LHFPL3: variants seen among roughly 807,000 people sequenced by gnomAD.
LHFPL3 encodes LHFPL tetraspan subfamily member 3.
A neutral mutation model predicts 19.3 loss-of-function variants in LHFPL3; 5 were observed. That is an observed-to-expected ratio of 0.26 (90% CI 0.14 to 0.54). The LOEUF (loss-of-function observed/expected upper bound fraction) is 0.54, where lower values mean the gene tolerates loss of function less well. Ranked by LOEUF, LHFPL3 falls within the 20% of genes least tolerant of loss-of-function variation. The pLI, the probability that LHFPL3 is intolerant of heterozygous loss-of-function variation, is 0.94. For missense variants in LHFPL3, 249 were observed against 307.4 expected (o/e 0.81, Z 1.42); for synonymous variants, 133 against 126.2 (o/e 1.05, Z -0.36).
intron 1 of LHFPL3, among the ~76,000 whole-genome samples, chr7:104,466,898 C>A (rs1562906354): frequency 6.6e-6 from 1 of 152,184 alleles, no homozygotes; most frequent in Non-Finnish European, 1.5e-5. Flanking sequence ...AATCATATTT[C>A]TGACATGTTC....
intron 1 of LHFPL3, among the ~76,000 whole-genome samples, chr7:104,541,952 T>C (rs974438648): frequency 6.6e-6 from 1 of 151,814 alleles, no homozygotes; most frequent in Non-Finnish European, 1.5e-5. Flanking sequence ...ATAAAGCAGA[T>C]GTGGAAAGAT....
At chr7:104,409,067 G>A (rs1388888137) in intron 1 of LHFPL3, among the ~76,000 whole-genome samples, 2 of 148,946 alleles carry the variant, frequency 1.3e-5, no homozygotes, top group South Asian at 2.2e-4. Flanking sequence ...TAGTAGAGAC[G>A]GGGTTTCACC....
chr7:104,393,889 T>C (rs577152181), intron 1 of LHFPL3, among the ~76,000 whole-genome samples: 1 of 152,266 alleles, frequency 6.6e-6, no homozygotes, highest in East Asian at 1.9e-4. Flanking sequence ...ATGAAATTTG[T>C]ACAAAATGGA....
Position 104,490,595 on chromosome 7 carries a change from C to G in LHFPL3, c.445+161371C>G, listed in dbSNP as rs186632306. On this transcript the variant is annotated intron_variant, in intron 1 of 2. Transcript: ENST00000424859. ...AAACAAAACAAAAACAACTCTAGTT[C>G]TCCACTCTCCATTGGGTATACAGAG... 3.6e-3 allele frequency among the ~76,000 whole-genome samples: 553 copies of G among 152,218 alleles called. 2 individuals are homozygous for G. Among genetic ancestry groups the G allele is most frequent in the South Asian group, 0.017 (81 of 4,820 alleles).
intron 2 of LHFPL3, among the ~76,000 whole-genome samples, chr7:104,844,247 C>A (rs1032273430): frequency 5.9e-5 from 9 of 152,338 alleles, no homozygotes. Flanking sequence ...TGCACTGGCA[C>A]CTTTCAGCAG....
chr7:104,591,267 A>G (rs564928880), intron 1 of LHFPL3, among the ~76,000 whole-genome samples: 1 of 152,206 alleles, frequency 6.6e-6, no homozygotes, highest in South Asian at 2.1e-4. Context: ...GTTCCTTTCC[A>G]TGTTTAGTGC....
intron 2 of LHFPL3, among the ~76,000 whole-genome samples, chr7:104,869,427 A>G (rs1378010250): frequency 3.3e-5 from 5 of 152,214 alleles, no homozygotes; most frequent in African/African-American, 9.6e-5. Context: ...AAAAGTGGAC[A>G]AAGGATATGA....
At chr7:104,753,234 G>C (rs1392633811) in intron 2 of LHFPL3, among the ~76,000 whole-genome samples, 1 of 152,148 alleles carries the variant, frequency 6.6e-6, no homozygotes, top group Non-Finnish European at 1.5e-5. Context: ...AACCTTGAAT[G>C]CATAAACAGG....
In LHFPL3 at chr7:104,906,216, G is replaced by T; in HGVS notation, c.*1G>T. 6.2e-7 allele frequency: 1 copy of T among 1,608,704 alleles called. No individual in the cohort carries two copies. Among genetic ancestry groups the T allele is most frequent in the Non-Finnish European group, 8.5e-7 (1 of 1,177,452 alleles). ...GCTAAGCCAATATTCTCTAGAATGAGCACAAAACAAATCGAATAACAGCTA... is the reference window on the plus strand; with the variant it reads ...GCTAAGCCAATATTCTCTAGAATGATCACAAAACAAATCGAATAACAGCTA... On this transcript the variant is annotated 3_prime_UTR_variant, in exon 3 of 3. Coordinates refer to ENST00000424859, the MANE Select transcript of LHFPL3 (RefSeq NM_199000.3).
rs1792376077 is a variant in LHFPL3 at position 104,448,681 on chromosome 7, G to C, written c.445+119457G>C. On this transcript the variant is annotated intron_variant, in intron 1 of 2. Coordinates refer to ENST00000424859, the MANE Select transcript of LHFPL3 (RefSeq NM_199000.3). ...AAAATCACTTAGTGTGATTGTTTTT[G>C]TAGATATTTCTATTATGAATAGTCT... 3.3e-5 allele frequency among the ~76,000 whole-genome samples: 5 copies of C among 152,166 alleles called. No homozygotes were observed. In the South Asian group the frequency reaches 1.0e-3, roughly 32 times the overall value.
intron 2 of LHFPL3, among the ~76,000 whole-genome samples, chr7:104,846,766 C>T (rs565184718): frequency 7.2e-4 from 110 of 152,324 alleles, no homozygotes; most frequent in Non-Finnish European, 1.2e-3. Flanking sequence ...AGGTCCCTGT[C>T]CTGGCTCTGC....
chr7:104,711,070 A>G (rs1052969490), intron 1 of LHFPL3, among the ~76,000 whole-genome samples: 6 of 152,240 alleles, frequency 3.9e-5, no homozygotes, highest in African/African-American at 1.4e-4. Context: ...ATCAATACCT[A>G]GAGATAAAGG....
At chr7:104,446,843 G>A (rs1229694085) in intron 1 of LHFPL3, among the ~76,000 whole-genome samples, 4 of 152,160 alleles carry the variant, frequency 2.6e-5, no homozygotes, top group South Asian at 4.2e-4. Context: ...CACAACACCC[G>A]GCCGATTCTA....
At chr7:104,400,370 T>A (rs1203403258) in intron 1 of LHFPL3, among the ~76,000 whole-genome samples, 1 of 152,136 alleles carries the variant, frequency 6.6e-6, no homozygotes, top group Non-Finnish European at 1.5e-5. Context: ...GTAGACTTTG[T>A]CAAGCATTTA....
chr7:104,366,014 C>G (rs1790489841), intron 1 of LHFPL3, among the ~76,000 whole-genome samples: 2 of 152,084 alleles, frequency 1.3e-5, no homozygotes, highest in South Asian at 4.2e-4. Flanking sequence ...ACACCAGGAC[C>G]AGGGATGAGG....
Position 104,548,364 on chromosome 7 carries a change from C to T in LHFPL3, c.446-188311C>T, listed in dbSNP as rs181596377. 1.8e-3 allele frequency among the ~76,000 whole-genome samples: 272 copies of T among 152,088 alleles called. 2 individuals are homozygous for T. Among genetic ancestry groups the T allele is most frequent in the South Asian group, 0.014 (68 of 4,806 alleles). ...GAGTAAACAGCAATCCATATACATC[C>T]TAAATTGATTTTTAAAATTGGGGAT... is the stretch of plus-strand genomic sequence containing the variant. On this transcript the variant is annotated intron_variant, in intron 1 of 2. Transcript: ENST00000424859.
intron 1 of LHFPL3, among the ~76,000 whole-genome samples, chr7:104,456,967 A>C (rs1439539249): frequency 6.6e-6 from 1 of 152,196 alleles, no homozygotes; most frequent in Non-Finnish European, 1.5e-5. Flanking sequence ...CACAGAAAAC[A>C]AAATTATGGG....
At chr7:104,505,259 T>G (rs1334113891) in intron 1 of LHFPL3, among the ~76,000 whole-genome samples, 1 of 152,246 alleles carries the variant, frequency 6.6e-6, no homozygotes, top group African/African-American at 2.4e-5. Flanking sequence ...CATGATTATA[T>G]TCAATGATGA....
intron 1 of LHFPL3, among the ~76,000 whole-genome samples, chr7:104,540,228 A>G (rs1252508176): frequency 2.0e-5 from 3 of 152,096 alleles, no homozygotes; most frequent in Non-Finnish European, 2.9e-5. Flanking sequence ...GCTAAAATCC[A>G]TGGAGGAAAG....
Sources: gnomAD v4.1 joint callset for allele counts (sites outside exome capture counted in the v4.1 genomes callset) on GRCh38, gnomAD v4.1.1 for gene constraint, MANE v1.5 for transcripts, NCBI Gene and HGNC (gene_info 2026-07-23, HGNC 2026-07-21) for gene names.